FCGR3A: variants seen among roughly 807,000 people sequenced by gnomAD.
FCGR3A encodes low affinity immunoglobulin gamma Fc region receptor III-A.
In FCGR3A, 13 loss-of-function variants were observed where a neutral mutation model predicts 24.1. The ratio of observed to expected loss-of-function variants is 0.54; its 90% confidence interval spans 0.35 to 0.86. The LOEUF (loss-of-function observed/expected upper bound fraction) is 0.86, where lower values mean the gene tolerates loss of function less well. Among genes scored for constraint, FCGR3A ranks in the 40% least tolerant of loss-of-function variants. The pLI, the probability that FCGR3A is intolerant of heterozygous loss-of-function variation, is 0.01. For synonymous variants in FCGR3A, 93 were observed against 112.2 expected (o/e 0.83, Z 1.08); for missense variants, 235 against 298.0 (o/e 0.79, Z 1.56).
chr1:161,542,867 A>G lies in FCGR3A; in HGVS notation c.*145T>C. 1 of 631,286 alleles carries G rather than the reference A, an allele frequency of 1.6e-6. No homozygotes were observed. The highest frequency in any genetic ancestry group is 2.7e-6 in the Non-Finnish European group (1 of 375,804). 39.1% of individuals were successfully genotyped at this position (631,286 alleles called of 1,614,324 possible). On this transcript the variant is annotated 3_prime_UTR_variant, in exon 5 of 5. Coordinates refer to ENST00000443193, the MANE Select transcript of FCGR3A (RefSeq NM_000569.8). ...TCCCTTCCACTGGAGACCAAGGAAA[A>G]GTCGAGAGTTGGATAAGGGATCTGG...
rs143870625 is a variant in FCGR3A, at chr1:161,548,525, G to A, written c.215C>T (p.Ser72Leu). The A allele has an allele frequency of 1.4e-3, 2,299 of 1,613,806 alleles. No individual in the cohort carries two copies. Among genetic ancestry groups the A allele is most frequent in the Middle Eastern group, 2.0e-3 (12 of 6,054 alleles). Residue 72 changes from serine (S) to leucine (L), a missense_variant, in exon 3 of 5, where the codon TCG (serine) becomes TTG (leucine). Transcript: ENST00000443193. ...HNESLISSQA[S>L]SYFIDAATVD... Reference sequence around the variant, plus strand: ...TGTGGCAGCGTCAATGAAGTAGCTCGAGGCCTGGCTTGAGATGAGGCTCTC... The same window carrying A: ...TGTGGCAGCGTCAATGAAGTAGCTCAAGGCCTGGCTTGAGATGAGGCTCTC...
At chr1:161,546,383 C>T (rs912097648) in intron 3 of FCGR3A, among the ~76,000 whole-genome samples, 5 of 151,984 alleles carry the variant, frequency 3.3e-5, no homozygotes, top group Non-Finnish European at 5.9e-5. Context: ...TATGTATATT[C>T]CTTCAAGTGA....
At chr1:161,548,252 G>T (rs534629496) in intron 3 of FCGR3A, among the ~76,000 whole-genome samples, 169 bp downstream of exon 3, 15 of 152,390 alleles carry the variant, frequency 9.8e-5, no homozygotes, top group African/African-American at 2.4e-5. Context: ...TTTTGCCCAA[G>T]ACCTACTTAG....
chr1:161,545,593 C>T (rs372401140), intron 3 of FCGR3A: 1 of 152,010 alleles, frequency 6.6e-6, no homozygotes, highest in East Asian at 1.9e-4. Flanking sequence ...CTGAGCATGG[C>T]CTTCAAGAGA....
chr1:161,543,404 C>T (rs936989291), intron 4 of FCGR3A, among the ~76,000 whole-genome samples: 1 of 152,140 alleles, frequency 6.6e-6, no homozygotes, highest in Non-Finnish European at 1.5e-5. Flanking sequence ...GCTCACCAAA[C>T]ACTGAGCAAA....
rs1244118198 is a variant in FCGR3A at position 161,543,204 on chromosome 1, T to C, written c.578-5A>G. On this transcript the variant is annotated splice_region_variant and splice_polypyrimidine_tract_variant and intron_variant, in intron 4 of 4. Coordinates refer to ENST00000443193, the MANE Select transcript of FCGR3A (RefSeq NM_000569.8). ...AGATGGTTGACACTGCCAAACCTATTAGGAGAAGTGGAGAGATGAAAAAAA... is the reference window on the plus strand; with the variant it reads ...AGATGGTTGACACTGCCAAACCTATCAGGAGAAGTGGAGAGATGAAAAAAA... 2 of 1,611,528 alleles carry C rather than the reference T, an allele frequency of 1.2e-6. No homozygotes were observed. The highest frequency in any genetic ancestry group is 3.4e-5 in the Admixed American group (2 of 59,500).
upstream of FCGR3A, chr1:161,550,118 C>A: frequency 1.9e-6 from 1 of 531,672 alleles, no homozygotes; most frequent in Non-Finnish European, 3.3e-6. Flanking sequence ...CAGTGAGACC[C>A]TGGGGATGAG....
intron 3 of FCGR3A, chr1:161,545,439 C>T (rs950576420): frequency 2.5e-5 from 4 of 156,926 alleles, no homozygotes; most frequent in Non-Finnish European, 5.6e-5. Context: ...AATAAGGTGA[C>T]GGTGGCCACG....
intron 1 of FCGR3A, among the ~76,000 whole-genome samples, chr1:161,549,388 C>T (rs1276865554): frequency 1.3e-5 from 2 of 152,060 alleles, no homozygotes; most frequent in African/African-American, 2.4e-5. Context: ...GAGGAGAACC[C>T]TGGAATGTCA....
upstream of FCGR3A, chr1:161,549,877 C>T (rs371914337): frequency 9.3e-6 from 15 of 1,606,784 alleles, no homozygotes; most frequent in African/African-American, 1.3e-5. Context: ...TTTCTTGAAA[C>T]TTCATCTGAC....
In FCGR3A at chr1:161,549,806, G is replaced by T; in HGVS notation, c.-70C>A. On this transcript the variant is annotated 5_prime_UTR_variant, in exon 1 of 5. In the 5' UTR this introduces an upstream ATG that the reference lacks. Coordinates refer to ENST00000443193, the MANE Select transcript of FCGR3A (RefSeq NM_000569.8). ...CTAAAGGGACCAAACCGACTAGACAGGAGGAAGTAAACAGCCTTTCCCCAG... is the reference window on the plus strand; with the variant it reads ...CTAAAGGGACCAAACCGACTAGACATGAGGAAGTAAACAGCCTTTCCCCAG... 1.9e-6 allele frequency: 3 copies of T among 1,613,824 alleles called. No individual in the cohort carries two copies. Among genetic ancestry groups the T allele is most frequent in the Non-Finnish European group, 2.5e-6 (3 of 1,179,880 alleles).
In FCGR3A at chr1:161,544,792, G is replaced by T. The variant is rs1392506019; in HGVS notation, c.486C>A (p.Ala162=). 1 of 1,613,704 alleles carries T rather than the reference G, an allele frequency of 6.2e-7. No individual in the cohort carries two copies. The highest frequency in any genetic ancestry group is 8.5e-7 in the Non-Finnish European group (1 of 1,179,772). Residue 162 remains alanine, a synonymous_variant, in exon 4 of 5, where the codon GCC becomes GCA. Transcript: ENST00000443193. Reference sequence around the variant, plus strand: ...AGTAGGAGCCGCTGTCTTTGAGTGTGGCTTTTGGAATGTAGAAGTCAGAAT... The same window carrying T: ...AGTAGGAGCCGCTGTCTTTGAGTGTTGCTTTTGGAATGTAGAAGTCAGAAT... The part of the protein sequence containing the change: ...HHNSDFYIPK[A]TLKDSGSYFC...
chr1:161,544,546 G>A (rs1677289320), intron 4 of FCGR3A, among the ~76,000 whole-genome samples, 155 bp downstream of exon 4: 1 of 151,000 alleles, frequency 6.6e-6, no homozygotes, highest in Non-Finnish European at 1.5e-5. Context: ...TGCAATCAGG[G>A]ACTTTTGGGG....
In FCGR3A at chr1:161,542,347, C is replaced by T. The variant is rs1258729074; in HGVS notation, c.*665G>A. 4 of 151,056 alleles carry T rather than the reference C, an allele frequency of 2.6e-5. No homozygotes were observed. The highest frequency in any genetic ancestry group is 4.4e-5 in the Non-Finnish European group (3 of 67,780). The allele number at this position is 151,056 out of a possible 1,614,324, so 9.4% of individuals were successfully genotyped here. A position where few individuals can be genotyped will look rare whatever the true frequency, so the allele number is the denominator to read the frequency against. ...TTCTACTCCTAGCATTAAGAGGACTCATCGTTATATACTTGGAGATGGTCC... is the reference window on the plus strand; with the variant it reads ...TTCTACTCCTAGCATTAAGAGGACTTATCGTTATATACTTGGAGATGGTCC... On this transcript the variant is annotated 3_prime_UTR_variant, in exon 5 of 5. Coordinates refer to ENST00000443193, the MANE Select transcript of FCGR3A (RefSeq NM_000569.8).
intron 3 of FCGR3A, among the ~76,000 whole-genome samples, chr1:161,547,683 A>C (rs569786573): frequency 4.0e-3 from 609 of 152,274 alleles, no homozygotes; most frequent in Admixed American, 0.036. Context: ...ATGCTAGGCC[A>C]CTAGGATTGC....
rs766166081 is a variant in FCGR3A, at chr1:161,543,138, C to T, written c.639G>A (p.Leu213=). The T allele has an allele frequency of 1.4e-5, 23 of 1,613,284 alleles. No individual in the cohort carries two copies. The highest frequency in any genetic ancestry group is 1.7e-5 in the Non-Finnish European group (20 of 1,179,620). The part of the protein sequence containing the change: ...FPPGYQVSFC[L]VMVLLFAVDT... ...CCACTGCAAAAAGGAGTACCATCAC[C>T]AAGCAGAAAGAGACTTGGTACCCAG... Residue 213 remains leucine (L), a synonymous_variant, in exon 5 of 5, where the codon TTG becomes TTA. Coordinates refer to ENST00000443193, the MANE Select transcript of FCGR3A (RefSeq NM_000569.8).
chr1:161,545,572 C>T (rs1414888118), intron 3 of FCGR3A: 1 of 152,696 alleles, frequency 6.5e-6, no homozygotes, highest in Non-Finnish European at 1.5e-5. Context: ...TCGGTGAGAC[C>T]AACTTTATTA....
At chr1:161,544,004 C>G (rs1293193833) in intron 4 of FCGR3A, among the ~76,000 whole-genome samples, 1 of 152,300 alleles carries the variant, frequency 6.6e-6, no homozygotes, top group East Asian at 1.9e-4. Context: ...AATATACAGG[C>G]TTTGAAGTCT....
chr1:161,549,968 G>A, upstream of FCGR3A: 2 of 1,112,708 alleles, frequency 1.8e-6, no homozygotes, highest in Non-Finnish European at 2.6e-6. Flanking sequence ...AGGTGGGTGG[G>A]TCTGCCCCCT....
Sources: allele counts gnomAD v4.1 joint callset (sites outside exome capture counted in the v4.1 genomes callset), GRCh38; gene constraint gnomAD v4.1.1; transcripts MANE v1.5; gene names NCBI Gene and HGNC (gene_info 2026-07-23, HGNC 2026-07-21).